Variants in ABR observed in about 807,000 individuals in gnomAD.
ABR encodes the protein ABR activator of RhoGEF and GTPase.
ABR carries 35 observed loss-of-function variants against 107.2 expected under a neutral mutation model. That is an observed-to-expected ratio of 0.33 (90% CI 0.25 to 0.43). The LOEUF (loss-of-function observed/expected upper bound fraction) is 0.43. Among genes scored for constraint, ABR ranks in the 20% least tolerant of loss-of-function variants. ABR has a pLI of 1.00. For synonymous variants in ABR, 498 were observed against 462.0 expected, an observed-to-expected ratio of 1.08 and a Z score of -1.00; for missense variants, 815 against 1,115.2, an observed-to-expected ratio of 0.73 and a Z score of 3.83.
At chr17:1,101,771 T>C (rs770099304) in intron 2 of ABR, among the ~76,000 whole-genome samples, 11 of 151,382 alleles carry the variant, frequency 7.3e-5, no homozygotes, top group African/African-American at 2.2e-4. Context: ...TCTCGCTCTG[T>C]CGCCCAGGCT....
chr17:1,094,370 AT>A (rs541367607), intron 3 of ABR, among the ~76,000 whole-genome samples: 1,684 of 139,884 alleles, frequency 0.012, 33 homozygotes, highest in African/African-American at 0.037. Context: ...CCAGACTGCA[AT>A]TTTTTTTTTT....
At chr17:1,030,915 C>T (rs1197628003) in intron 16 of ABR, among the ~76,000 whole-genome samples, 1 of 152,248 alleles carries the variant, frequency 6.6e-6, no homozygotes, top group Non-Finnish European at 1.5e-5. Context: ...CTCTTCCTCA[C>T]GTGCCTGATG....
Position 1,005,258 on chromosome 17 carries a change from G to C in ABR, c.*822C>G, listed in dbSNP as rs752511626. On this transcript the variant is annotated 3_prime_UTR_variant, in exon 23 of 23. Coordinates refer to ENST00000302538, the MANE Select transcript of ABR (RefSeq NM_021962.5). The stretch of plus-strand genomic sequence containing the variant: ...CAGGGAAGGGAACTGAAAAGCAGTA[G>C]AAGAAACAGTCAGAGATGCCTCACT... 240 of 398,454 alleles carry C rather than the reference G, an allele frequency of 6.0e-4. 1 individual carries two copies. Among genetic ancestry groups the C allele is most frequent in the Non-Finnish European group, 7.9e-4 (178 of 226,056 alleles). 24.7% of individuals were successfully genotyped at this position (398,454 alleles called of 1,614,324 possible).
intron 18 of ABR, 68 bp from the exon 19 acceptor site, chr17:1,012,053 C>T (rs1408885175): frequency 6.2e-7 from 1 of 1,600,832 alleles, no homozygotes; most frequent in Non-Finnish European, 8.5e-7. Context: ...AACCCCCACC[C>T]AGCACACACA....
intron 16 of ABR, among the ~76,000 whole-genome samples, chr17:1,021,814 T>G (rs1375040757): frequency 7.0e-6 from 1 of 142,702 alleles, no homozygotes. Flanking sequence ...AAATGCTTCT[T>G]CACAACAAAG....
At chr17:1,054,795 C>T (rs1698331011) in intron 14 of ABR, among the ~76,000 whole-genome samples, 1 of 152,034 alleles carries the variant, frequency 6.6e-6, no homozygotes, top group Admixed American at 6.6e-5. Context: ...CAGTTTGCCC[C>T]CAGGAACTCA....
chr17:1,141,417 T>G (rs540608275), intron 1 of ABR, among the ~76,000 whole-genome samples: 1 of 152,308 alleles, frequency 6.6e-6, no homozygotes, highest in South Asian at 2.1e-4. Context: ...CATGTGACCT[T>G]GGGCAAGCTA....
intron 22 of ABR, 150 bp from the exon 23 acceptor site, chr17:1,006,319 C>A: frequency 2.7e-6 from 2 of 735,334 alleles, no homozygotes; most frequent in Non-Finnish European, 4.6e-6. Flanking sequence ...TTTCTGCAGC[C>A]GTGGAAGGTG....
chr17:1,105,003 CTTTTTTTT>C (rs748696872), intron 2 of ABR, among the ~76,000 whole-genome samples: 17 of 125,766 alleles, frequency 1.4e-4, no homozygotes, highest in African/African-American at 5.4e-4. Context: ...TTTACAGTAA[CTTTTTTTT>C]TTTTTTTTTT....
chr17:1,175,039 A>T (rs575036510), intron 1 of ABR, among the ~76,000 whole-genome samples: 1 of 152,278 alleles, frequency 6.6e-6, no homozygotes, highest in South Asian at 2.1e-4. Flanking sequence ...AAAAATAAAA[A>T]AATAAAATAA....
chr17:1,153,843 AGCC>A (rs1567834399), intron 1 of ABR: 11 of 218,148 alleles, frequency 5.0e-5, no homozygotes, highest in African/African-American at 2.6e-4. Flanking sequence ...CGAACCTGTC[AGCC>A]TGTCACACGC....
intron 6 of ABR, among the ~76,000 whole-genome samples, chr17:1,075,894 T>C (rs1337122832): frequency 6.6e-6 from 1 of 152,086 alleles, no homozygotes; most frequent in Non-Finnish European, 1.5e-5. Context: ...ATACAAAAAT[T>C]AGCCAGGTGT....
At chr17:1,127,254 G>A (rs1387321797) in intron 1 of ABR, among the ~76,000 whole-genome samples, 2 of 151,256 alleles carry the variant, frequency 1.3e-5, no homozygotes, top group African/African-American at 4.9e-5. Context: ...TGAGATGAGT[G>A]TACACCACAC....
rs1444572882 is a variant in ABR, at chr17:1,125,306, C to T, written c.123G>A (p.Pro41=). ...GEGNEEQKGP[P]EGSETMPYID... ...TGTACGGCATGGTCTCTGAGCCCTCCGGGGGCCCCTTCTGCTCCTCATTCC... is the reference window on the plus strand; with the variant it reads ...TGTACGGCATGGTCTCTGAGCCCTCTGGGGGCCCCTTCTGCTCCTCATTCC... The change falls in exon 2 of 23, where the codon CCG becomes CCA. Residue 41 remains proline, a synonymous_variant. Transcript: ENST00000302538. 3 of 1,613,988 alleles carry T rather than the reference C, an allele frequency of 1.9e-6. No homozygotes were observed. The highest frequency in any genetic ancestry group is 2.2e-5 in the South Asian group (2 of 91,082).
rs909749466 is a variant in ABR at position 1,150,674 on chromosome 17, G to A, written c.62-25307C>T. ...TTCACAAGTTTGGGTGAACACTCCT[G>A]GTACACGGTCTGTGGTAACATCCTG... On this transcript the variant is annotated intron_variant, in intron 1 of 22. Transcript: ENST00000302538. The surrounding 1 kb of genome is among the most constrained non-coding windows in gnomAD (Gnocchi z 4.8). Among the ~76,000 whole-genome samples, 4 of 152,154 alleles carry A rather than the reference G, an allele frequency of 2.6e-5. No individual in the cohort carries two copies. The highest frequency in any genetic ancestry group is 1.3e-4 in the Admixed American group (2 of 15,278).
At chr17:1,113,007 A>AATT (rs1451111289) in intron 2 of ABR, among the ~76,000 whole-genome samples, 1 of 145,236 alleles carries the variant, frequency 6.9e-6, no homozygotes, top group Non-Finnish European at 1.5e-5. Flanking sequence ...ATCAGCAAGC[A>AATT]GTTGTTAACC....
intron 16 of ABR, among the ~76,000 whole-genome samples, chr17:1,040,355 G>T (rs1255309591): frequency 6.6e-6 from 1 of 152,306 alleles, no homozygotes; most frequent in Non-Finnish European, 1.5e-5. Flanking sequence ...CAGAGTAATT[G>T]AAACCAGAAG....
chr17:1,038,125 G>A (rs1023751094), intron 16 of ABR, among the ~76,000 whole-genome samples: 5 of 152,086 alleles, frequency 3.3e-5, no homozygotes, highest in Non-Finnish European at 7.4e-5. Flanking sequence ...ACCACCCCTC[G>A]CCTGCCTTGG....
chr17:1,223,407 C>CGT (rs1025883788), intron 1 of ABR, among the ~76,000 whole-genome samples: 26 of 152,020 alleles, frequency 1.7e-4, no homozygotes, highest in Admixed American at 8.5e-4. Context: ...ATTTAATCTT[C>CGT]GTAACTATCC....
Sources: gnomAD v4.1 joint callset for allele counts (sites outside exome capture counted in the v4.1 genomes callset) on GRCh38, gnomAD v4.1.1 for gene constraint, Gnocchi (gnomAD v3.1) non-coding constraint, MANE v1.5 for transcripts, NCBI Gene and HGNC (gene_info 2026-07-23, HGNC 2026-07-21) for gene names.